DPYD: variants seen among roughly 807,000 people sequenced by gnomAD.
The protein encoded by DPYD is dihydropyrimidine dehydrogenase.
A neutral mutation model predicts 116.2 loss-of-function variants in DPYD; 109 were observed. The observed-to-expected ratio is 0.94, with a 90% CI of 0.80 to 1.10. The LOEUF is 1.10. Among genes scored for constraint, DPYD ranks in the 50% least tolerant of loss-of-function variants. The pLI, the probability that DPYD is intolerant of heterozygous loss-of-function variation, is 0.00. For missense variants in DPYD, 1,302 were observed against 1,254.5 expected (o/e 1.04, Z -0.57); for synonymous variants, 440 against 432.0 (o/e 1.02, Z -0.23).
In DPYD at chr1:97,892,402, G is replaced by A. The variant is rs115290178; in HGVS notation, c.40-9028C>T. On this transcript the variant is annotated intron_variant, in intron 1 of 22. Transcript: ENST00000370192. ...CATGTCTCTCATTAGTCATAGTGTA[G>A]AGTGATTTAATTAATATCTCAGAAA... is the stretch of plus-strand genomic sequence containing the variant. 6.7e-3 allele frequency among the ~76,000 whole-genome samples: 1,024 copies of A among 151,880 alleles called. 8 individuals carry two copies. The highest frequency in any genetic ancestry group is 0.037 in the Middle Eastern group (11 of 294).
chr1:97,467,616 C>T (rs1038502162), intron 13 of DPYD, among the ~76,000 whole-genome samples: 3 of 152,132 alleles, frequency 2.0e-5, no homozygotes, highest in Admixed American at 6.6e-5. Context: ...CACTCTCTCT[C>T]GCTGCTATCA....
intron 14 of DPYD, among the ~76,000 whole-genome samples, chr1:97,444,798 CTT>C (rs568154478): frequency 8.1e-4 from 123 of 152,232 alleles, no homozygotes; most frequent in African/African-American, 2.9e-3. Context: ...TCCAGAAACT[CTT>C]TATAGAATAC....
chr1:97,110,690 C>T (rs1651526229), intron 20 of DPYD, among the ~76,000 whole-genome samples: 1 of 152,048 alleles, frequency 6.6e-6, no homozygotes, highest in South Asian at 2.1e-4. Flanking sequence ...CCTTCACCTC[C>T]TATTCACTCC....
Position 97,170,226 on chromosome 1 carries a change from C to A in DPYD, c.2622+22843G>T, listed in dbSNP as rs151048244. On this transcript the variant is annotated intron_variant, in intron 20 of 22. Transcript: ENST00000370192. ...GTAAGGACTGTATGAATGGAAACTT[C>A]ACCTGCAGTTGTGATGAGGACACTC... Among the ~76,000 whole-genome samples, 251 of 152,286 alleles carry A rather than the reference C, an allele frequency of 1.6e-3. 1 individual carries two copies. The highest frequency in any genetic ancestry group is 5.5e-3 in the African/African-American group (227 of 41,554).
At chr1:97,439,153 G>T (rs754084055) in intron 14 of DPYD, among the ~76,000 whole-genome samples, 1 of 151,446 alleles carries the variant, frequency 6.6e-6, no homozygotes, top group Non-Finnish European at 1.5e-5. Flanking sequence ...TATTTTGTGT[G>T]ATTATCACTA....
chr1:97,354,125 C>T (rs993159619), intron 16 of DPYD, among the ~76,000 whole-genome samples: 1 of 152,192 alleles, frequency 6.6e-6, no homozygotes, highest in African/African-American at 2.4e-5. Flanking sequence ...ACAAAAAGCA[C>T]GGCAGGTGTC....
chr1:97,291,127 C>A (rs1570442274), intron 18 of DPYD, among the ~76,000 whole-genome samples: 1 of 152,136 alleles, frequency 6.6e-6, no homozygotes, highest in Non-Finnish European at 1.5e-5. Flanking sequence ...CAAATCAAAA[C>A]CACAATGATA....
chr1:97,901,376 C>T (rs1673360860), intron 1 of DPYD, among the ~76,000 whole-genome samples: 1 of 151,758 alleles, frequency 6.6e-6, no homozygotes, highest in African/African-American at 2.4e-5. Flanking sequence ...TGAAATAAGT[C>T]AGATTAAAGA....
intron 19 of DPYD, among the ~76,000 whole-genome samples, chr1:97,220,568 C>T (rs375880862): frequency 1.3e-5 from 2 of 152,180 alleles, no homozygotes; most frequent in African/African-American, 4.8e-5. Context: ...TTGAGCTCTG[C>T]CTGGGATATA....
intron 14 of DPYD, among the ~76,000 whole-genome samples, chr1:97,409,475 G>A (rs745342211): frequency 1.2e-4 from 18 of 152,158 alleles, no homozygotes; most frequent in Non-Finnish European, 1.8e-4. Flanking sequence ...AGTAGGAACT[G>A]AGATAATATT....
At chr1:97,693,651 G>C (rs1661149992) in intron 6 of DPYD, among the ~76,000 whole-genome samples, 1 of 152,084 alleles carries the variant, frequency 6.6e-6, no homozygotes, top group South Asian at 2.1e-4. Context: ...GACTAAAACT[G>C]GGCACTGATG....
chr1:97,816,150 T>C (rs1343930219), intron 3 of DPYD, among the ~76,000 whole-genome samples: 1 of 151,996 alleles, frequency 6.6e-6, no homozygotes, highest in Non-Finnish European at 1.5e-5. Context: ...CTGTACACTA[T>C]AGCCTCATAC....
chr1:97,214,900 C>T (rs1217474911), intron 19 of DPYD, among the ~76,000 whole-genome samples: 1 of 152,140 alleles, frequency 6.6e-6, no homozygotes, highest in East Asian at 1.9e-4. Flanking sequence ...ATTTTATCTC[C>T]CAACAAAACA....
intron 1 of DPYD, among the ~76,000 whole-genome samples, chr1:97,912,303 T>C (rs1249462826): frequency 6.6e-6 from 1 of 152,124 alleles, no homozygotes. Context: ...TGCTGAAACA[T>C]TGTTCTTAAT....
chr1:97,183,716 T>C (rs1282959797), intron 20 of DPYD, among the ~76,000 whole-genome samples: 1 of 152,128 alleles, frequency 6.6e-6, no homozygotes, highest in Non-Finnish European at 1.5e-5. Flanking sequence ...CATCTTAATA[T>C]ATCTTACCAT....
At chr1:97,625,228 A>G (rs1656860900) in intron 8 of DPYD, among the ~76,000 whole-genome samples, 1 of 152,088 alleles carries the variant, frequency 6.6e-6, no homozygotes, top group South Asian at 2.1e-4. Context: ...ATAAATGTAT[A>G]CAATTATAAC....
At chr1:97,631,196 T>C (rs1032335681) in intron 8 of DPYD, among the ~76,000 whole-genome samples, 2 of 152,098 alleles carry the variant, frequency 1.3e-5, no homozygotes, top group African/African-American at 4.8e-5. Context: ...GATCAGGAGT[T>C]TCAAGCATTC....
At chr1:97,428,603 C>A (rs1019738940) in intron 14 of DPYD, among the ~76,000 whole-genome samples, 1 of 151,884 alleles carries the variant, frequency 6.6e-6, no homozygotes, top group Admixed American at 6.6e-5. Context: ...GCAGCTAAGA[C>A]TAAGAAATTC....
chr1:97,911,690 T>C (rs916915784), intron 1 of DPYD, among the ~76,000 whole-genome samples: 3 of 152,078 alleles, frequency 2.0e-5, no homozygotes, highest in East Asian at 1.9e-4. Context: ...AAATAATTCT[T>C]TGAGAATCTG....
Sources: allele counts gnomAD v4.1 joint callset (sites outside exome capture counted in the v4.1 genomes callset), GRCh38; gene constraint gnomAD v4.1.1; transcripts MANE v1.5; gene names NCBI Gene and HGNC (gene_info 2026-07-23, HGNC 2026-07-21).